Variants in GRIA4 observed in about 807,000 individuals in gnomAD.
GRIA4 encodes the protein glutamate receptor 4.
GRIA4 carries 34 observed loss-of-function variants against 104.0 expected under a neutral mutation model. The ratio of observed to expected loss-of-function variants is 0.33; its 90% CI spans 0.25 to 0.44. GRIA4 has a LOEUF of 0.44. Among genes scored for constraint, GRIA4 ranks in the 20% least tolerant of loss-of-function variants. The pLI is 1.00. For synonymous variants in GRIA4, 386 were observed against 381.9 expected, an observed-to-expected ratio of 1.01 and a Z score of -0.13; for missense variants, 750 against 1,096.5, an observed-to-expected ratio of 0.68 and a Z score of 4.46.
intron 5 of GRIA4, among the ~76,000 whole-genome samples, chr11:105,870,710 A>C (rs918376309): frequency 2.6e-5 from 4 of 152,048 alleles, no homozygotes. Context: ...GAGCCTAACC[A>C]CAGAGGGTAT....
chr11:105,799,187 G>T (rs1942613791), intron 4 of GRIA4, among the ~76,000 whole-genome samples: 1 of 152,050 alleles, frequency 6.6e-6, no homozygotes, highest in Non-Finnish European at 1.5e-5. Flanking sequence ...AGTATCAAAT[G>T]GTTTTAAGGG....
Position 105,969,510 on chromosome 11 carries a change from G to A in GRIA4, c.2295-2404G>A, listed in dbSNP as rs79320605. Among the ~76,000 whole-genome samples the A allele has an allele frequency of 3.6e-3, 546 of 152,176 alleles. 4 individuals carry two copies. The highest frequency in any genetic ancestry group is 0.013 in the African/African-American group (521 of 41,528). Reference sequence around the variant, plus strand: ...TAAAGAGGCCAGAGGGAAAAAGAAGGCCATAGGAGAAAAGACTGCTTTAAG... The same window carrying A: ...TAAAGAGGCCAGAGGGAAAAAGAAGACCATAGGAGAAAAGACTGCTTTAAG... On this transcript the variant is annotated intron_variant, in intron 14 of 16. Coordinates refer to ENST00000282499, the MANE Select transcript of GRIA4 (RefSeq NM_000829.4).
intron 14 of GRIA4, among the ~76,000 whole-genome samples, chr11:105,966,528 C>T (rs1411578585): frequency 6.6e-6 from 1 of 152,094 alleles, no homozygotes; most frequent in African/African-American, 2.4e-5. Context: ...TTTTCTCCAT[C>T]TAAACTCTCA....
In GRIA4 at chr11:105,981,232, C is replaced by T. The variant is rs1045210507; in HGVS notation, c.*1493C>T. The T allele has an allele frequency of 1.3e-5, 2 of 152,510 alleles. No homozygotes were observed. The highest frequency in any genetic ancestry group is 4.8e-5 in the African/African-American group (2 of 41,402). The allele number at this position is 152,510 out of a possible 1,614,324, so 9.4% of individuals were successfully genotyped here. ...GAAATAATAAATAAGTACTCTAATA[C>T]AGATAAAAATCATGTACTTAGGGTA... On this transcript the variant is annotated 3_prime_UTR_variant, in exon 17 of 17. Coordinates refer to ENST00000282499, the MANE Select transcript of GRIA4 (RefSeq NM_000829.4).
At chr11:105,784,791 G>A (rs1941884037) in intron 4 of GRIA4, among the ~76,000 whole-genome samples, 1 of 151,836 alleles carries the variant, frequency 6.6e-6, no homozygotes, top group Non-Finnish European at 1.5e-5. Context: ...TGTAAGAAAG[G>A]GACCTGTTAA....
At chr11:105,614,687 A>C (rs898747880) in intron 3 of GRIA4, among the ~76,000 whole-genome samples, 2 of 152,018 alleles carry the variant, frequency 1.3e-5, no homozygotes, top group African/African-American at 4.8e-5. Context: ...TAAGGAGAGA[A>C]CATTTTCTAG....
chr11:105,625,118 TAGAC>T (rs963764048), intron 3 of GRIA4, among the ~76,000 whole-genome samples: 3 of 152,064 alleles, frequency 2.0e-5, no homozygotes, highest in African/African-American at 4.8e-5. Flanking sequence ...CCTTGGAAGA[TAGAC>T]AGAGAGAGAG....
At chr11:105,970,303 A>G (rs1473955094) in intron 14 of GRIA4, among the ~76,000 whole-genome samples, 1 of 151,952 alleles carries the variant, frequency 6.6e-6, no homozygotes, top group East Asian at 1.9e-4. Flanking sequence ...TGTATTTTAG[A>G]ATTTTTTTCA....
rs905280321 is a variant in GRIA4 at position 105,851,992 on chromosome 11, C to T, written c.488-10032C>T. Among the ~76,000 whole-genome samples the T allele has an allele frequency of 3.9e-5, 6 of 152,178 alleles. No individual in the cohort carries two copies. In the South Asian group the frequency reaches 1.2e-3, roughly 32 times the overall value. On this transcript the variant is annotated intron_variant, in intron 4 of 16. Transcript: ENST00000282499. Reference sequence around the variant, plus strand: ...AGTGGCCTGAAATGTAGGAAATGCTCAACAAATATTCATTGAGTGAAAAGT... The same window carrying T: ...AGTGGCCTGAAATGTAGGAAATGCTTAACAAATATTCATTGAGTGAAAAGT...
intron 14 of GRIA4, among the ~76,000 whole-genome samples, chr11:105,949,359 G>T (rs1202955654): frequency 6.6e-6 from 1 of 152,108 alleles, no homozygotes; most frequent in African/African-American, 2.4e-5. Flanking sequence ...TTAATGGGTT[G>T]CTTGCAAAAT....
At chr11:105,634,368 AAG>A (rs1951123989) in intron 3 of GRIA4, among the ~76,000 whole-genome samples, 1 of 148,456 alleles carries the variant, frequency 6.7e-6, no homozygotes. Context: ...AAAAAAAAAA[AAG>A]AAGAAGAAAG....
At chr11:105,939,785 C>T (rs564154867) in intron 14 of GRIA4, among the ~76,000 whole-genome samples, 9 of 152,262 alleles carry the variant, frequency 5.9e-5, no homozygotes, top group Non-Finnish European at 1.0e-4. Context: ...GTGACATATT[C>T]GCTATTGTTG....
intron 3 of GRIA4, among the ~76,000 whole-genome samples, chr11:105,744,306 G>A (rs556289001): frequency 1.6e-4 from 24 of 152,306 alleles, no homozygotes; most frequent in Non-Finnish European, 2.9e-4. Context: ...GGAATGAGTG[G>A]TAGTGTTAAA....
chr11:105,911,260 G>C (rs1188429867), intron 10 of GRIA4, among the ~76,000 whole-genome samples: 1 of 151,880 alleles, frequency 6.6e-6, no homozygotes, highest in Non-Finnish European at 1.5e-5. Flanking sequence ...TTTTAAGGCT[G>C]CTTTTTCAAA....
At chr11:105,880,525 T>A (rs924213175) in intron 5 of GRIA4, among the ~76,000 whole-genome samples, 3 of 152,100 alleles carry the variant, frequency 2.0e-5, no homozygotes, top group Non-Finnish European at 4.4e-5. Context: ...TGCTAATCAA[T>A]AAAATTGGGG....
At chr11:105,684,524 A>G (rs959363919) in intron 3 of GRIA4, among the ~76,000 whole-genome samples, 2 of 112,644 alleles carry the variant, frequency 1.8e-5, no homozygotes, top group Non-Finnish European at 3.6e-5. Context: ...CTGAGTAAAA[A>G]TAAGGCAAAT....
At chr11:105,622,739 T>C (rs181160185) in intron 3 of GRIA4, among the ~76,000 whole-genome samples, 1 of 151,988 alleles carries the variant, frequency 6.6e-6, no homozygotes, top group Admixed American at 6.6e-5. Flanking sequence ...GTTACATGTA[T>C]AGATTGTGTA....
intron 14 of GRIA4, among the ~76,000 whole-genome samples, chr11:105,947,138 A>T (rs1482959485): frequency 6.6e-6 from 1 of 152,220 alleles, no homozygotes; most frequent in African/African-American, 2.4e-5. Context: ...ATTTATGTAG[A>T]TAAATATATT....
intron 3 of GRIA4, among the ~76,000 whole-genome samples, chr11:105,732,554 T>C (rs1938665879): frequency 6.6e-6 from 1 of 152,088 alleles, no homozygotes; most frequent in Non-Finnish European, 1.5e-5. Flanking sequence ...AAAACAATAA[T>C]AGAGGACCAA....
Sources: allele counts gnomAD v4.1 joint callset (sites outside exome capture counted in the v4.1 genomes callset), GRCh38; gene constraint gnomAD v4.1.1; transcripts MANE v1.5; gene names NCBI Gene and HGNC (gene_info 2026-07-23, HGNC 2026-07-21).